Variants in GPR149 observed in about 807,000 individuals in gnomAD.
The protein encoded by GPR149 is probable G protein-coupled receptor 149.
Under a neutral mutation model 50.2 loss-of-function variants are expected in GPR149, and 50 were observed. The ratio of observed to expected loss-of-function variants is 1.00; its 90% CI spans 0.79 to 1.26. The LOEUF is 1.26. Ranked by LOEUF, GPR149 falls within the 50% of genes most tolerant of loss-of-function variation. The pLI is 0.00. For synonymous variants in GPR149, 405 were observed against 358.2 expected (o/e 1.13, Z -1.48); for missense variants, 983 against 895.4 (o/e 1.10, Z -1.25).
intron 3 of GPR149, among the ~76,000 whole-genome samples, chr3:154,387,296 G>A (rs538163211): frequency 1.8e-4 from 27 of 152,192 alleles, no homozygotes; most frequent in Admixed American, 1.1e-3. Context: ...ACAAACTGTA[G>A]AACTCAATTT....
intron 3 of GPR149, among the ~76,000 whole-genome samples, chr3:154,377,238 T>C (rs1481655128): frequency 1.3e-5 from 2 of 151,376 alleles, no homozygotes; most frequent in Non-Finnish European, 2.9e-5. Context: ...GAATATTAAA[T>C]AAAAGGGATT....
intron 3 of GPR149, among the ~76,000 whole-genome samples, chr3:154,359,627 T>C (rs921027597): frequency 6.6e-6 from 1 of 152,188 alleles, no homozygotes; most frequent in African/African-American, 2.4e-5. Flanking sequence ...GTGGTCCTAC[T>C]TTGCTGGCTA....
At chr3:154,344,991 C>G (rs540571081) in intron 3 of GPR149, among the ~76,000 whole-genome samples, 3 of 152,326 alleles carry the variant, frequency 2.0e-5, no homozygotes, top group African/African-American at 7.2e-5. Flanking sequence ...CCATCTTTTT[C>G]TGGACACTGG....
chr3:154,371,433 T>C (rs1003200771), intron 3 of GPR149, among the ~76,000 whole-genome samples: 2 of 152,276 alleles, frequency 1.3e-5, no homozygotes, highest in East Asian at 3.9e-4. Flanking sequence ...CGTGAGCCCT[T>C]ATTGTCCCTT....
intron 3 of GPR149, among the ~76,000 whole-genome samples, chr3:154,376,437 A>C (rs1161172035): frequency 1.3e-5 from 2 of 152,254 alleles, no homozygotes; most frequent in Admixed American, 6.5e-5. Flanking sequence ...TGTCAGGATG[A>C]AACAATATGT....
In GPR149 at chr3:154,335,912, A is replaced by G. The variant is rs1293673268; in HGVS notation, c.*1787T>C. On this transcript the variant is annotated 3_prime_UTR_variant, in exon 4 of 4. Transcript: ENST00000389740. ...AGAAAATTATACATCTAAGTTTAAG[A>G]TATCAAAGCCTATCTTCTACAAAGC... The G allele has an allele frequency of 1.3e-5, 2 of 152,138 alleles. No individual in the cohort carries two copies. Among genetic ancestry groups the G allele is most frequent in the African/African-American group, 4.8e-5 (2 of 41,458 alleles). 9.4% of individuals were successfully genotyped at this position (152,138 alleles called of 1,614,324 possible).
intron 3 of GPR149, among the ~76,000 whole-genome samples, chr3:154,405,585 C>CAAAAAAA (rs33943436): frequency 6.0e-5 from 5 of 83,452 alleles, no homozygotes; most frequent in East Asian, 3.5e-4. Flanking sequence ...AAGACTCCAT[C>CAAAAAAA]AAAAAAAAAA....
chr3:154,371,741 G>C (rs1371311081), intron 3 of GPR149, among the ~76,000 whole-genome samples: 1 of 152,134 alleles, frequency 6.6e-6, no homozygotes, highest in Non-Finnish European at 1.5e-5. Flanking sequence ...AGAAATAAGA[G>C]AACAAATAGA....
chr3:154,382,971 G>T (rs1165655832), intron 3 of GPR149, among the ~76,000 whole-genome samples: 1 of 152,086 alleles, frequency 6.6e-6, no homozygotes, highest in Admixed American at 6.6e-5. Context: ...GATTAGGGTT[G>T]GGATGAGGGT....
intron 3 of GPR149, among the ~76,000 whole-genome samples, chr3:154,409,151 T>C (rs966326918): frequency 6.6e-6 from 1 of 152,196 alleles, no homozygotes; most frequent in African/African-American, 2.4e-5. Context: ...GTTTGGCCTC[T>C]GGAAGCCCCA....
rs529158184 is a variant in GPR149, at chr3:154,340,960, A to T, written c.1624-2689T>A. Among the ~76,000 whole-genome samples the T allele has an allele frequency of 9.9e-5, 15 of 151,798 alleles. No individual in the cohort carries two copies. In the East Asian group the frequency reaches 1.8e-3, roughly 18 times the overall value. On this transcript the variant is annotated intron_variant, in intron 3 of 3. Transcript: ENST00000389740. ...TGGTCTCGAACTCCTGACCTCATGA[A>T]CTCCCTGCCTCGGCCTCCCAAAGGG...
intron 3 of GPR149, among the ~76,000 whole-genome samples, chr3:154,400,220 T>C (rs1166598236): frequency 6.6e-6 from 1 of 151,928 alleles, no homozygotes; most frequent in Non-Finnish European, 1.5e-5. Flanking sequence ...TCTCCTGACC[T>C]CGTGATCCAC....
At chr3:154,423,947 C>T (rs1428824221) in intron 2 of GPR149, among the ~76,000 whole-genome samples, 1 of 151,750 alleles carries the variant, frequency 6.6e-6, no homozygotes, top group Non-Finnish European at 1.5e-5. Context: ...GTGCTGCACC[C>T]ATTAACTCGT....
intron 3 of GPR149, chr3:154,352,241 T>C (rs2108389823): frequency 2.3e-6 from 2 of 874,818 alleles, no homozygotes; most frequent in South Asian, 3.2e-5. Flanking sequence ...GTCGACTCTG[T>C]CTACCTGATA....
chr3:154,372,692 A>G (rs1180412295), intron 3 of GPR149, among the ~76,000 whole-genome samples: 1 of 152,180 alleles, frequency 6.6e-6, no homozygotes, highest in Non-Finnish European at 1.5e-5. Context: ...GAGAATGGTG[A>G]TGAGGATAGA....
At chr3:154,346,838 C>T (rs1713940148) in intron 3 of GPR149, among the ~76,000 whole-genome samples, 1 of 152,106 alleles carries the variant, frequency 6.6e-6, no homozygotes, top group Non-Finnish European at 1.5e-5. Context: ...CTCAGGTAAT[C>T]TGCTCGCCTT....
chr3:154,341,315 AT>A (rs1322313055), intron 3 of GPR149, among the ~76,000 whole-genome samples: 1 of 61,354 alleles, frequency 1.6e-5, no homozygotes, highest in Admixed American at 1.4e-4. Context: ...ATATATATAT[AT>A]ATATATATAT....
Position 154,427,583 on chromosome 3 carries a change from G to C in GPR149, c.1107C>G (p.His369Gln). The C allele has an allele frequency of 1.2e-6, 2 of 1,614,198 alleles. No homozygotes were observed. Among genetic ancestry groups the C allele is most frequent in the Non-Finnish European group, 1.7e-6 (2 of 1,180,032 alleles). Reference protein sequence around the residue: ...PVFVLSKRWTHLPCGCIINCR... With the variant: ...PVFVLSKRWTQLPCGCIINCR... ...AGTTGATGATGCAGCCACAGGGCAA[G>C]TGGGTCCAGCGTTTGGACAAGACAA... Residue 369 changes from histidine (H) to glutamine (Q), a missense_variant, in exon 2 of 4, where the codon CAC becomes CAG. By Grantham distance (24) the His-to-Gln change is conservative. Transcript: ENST00000389740.
At chr3:154,358,481 A>C (rs1714299256) in intron 3 of GPR149, among the ~76,000 whole-genome samples, 2 of 152,140 alleles carry the variant, frequency 1.3e-5, no homozygotes, top group Non-Finnish European at 2.9e-5. Flanking sequence ...AACCTTTAAA[A>C]ACTTCCCCAA....
Sources: allele counts gnomAD v4.1 joint callset (sites outside exome capture counted in the v4.1 genomes callset), GRCh38; gene constraint gnomAD v4.1.1; transcripts MANE v1.5; gene names NCBI Gene and HGNC (gene_info 2026-07-23, HGNC 2026-07-21).